The following SSH2 variants were observed in gnomAD, a reference collection of about 807,000 sequenced individuals.
SSH2 encodes protein phosphatase Slingshot homolog 2.
A neutral mutation model predicts 135.2 loss-of-function variants in SSH2; 37 were observed. That is an observed-to-expected ratio of 0.27 (90% CI 0.21 to 0.36). SSH2 has a LOEUF of 0.36. SSH2 is among the 10% of genes least tolerant of loss of function. SSH2 has a pLI of 1.00. For missense variants in SSH2, 1,408 were observed against 1,765.3 expected (o/e 0.80, Z 3.63); for synonymous variants, 628 against 646.2 (o/e 0.97, Z 0.43).
At chr17:29,927,228 A>G (rs975354518) in intron 1 of SSH2, among the ~76,000 whole-genome samples, 1 of 152,146 alleles carries the variant, frequency 6.6e-6, no homozygotes, top group Non-Finnish European at 1.5e-5. Context: ...GACAATACTT[A>G]TGACCATCAC....
intron 1 of SSH2, among the ~76,000 whole-genome samples, chr17:29,921,017 G>A (rs888701944): frequency 1.6e-4 from 24 of 152,038 alleles, no homozygotes; most frequent in East Asian, 9.6e-4. Flanking sequence ...GAACATGAAC[G>A]ATTTACAAAA....
intron 3 of SSH2, among the ~76,000 whole-genome samples, chr17:29,782,192 C>T (rs2041855716): frequency 1.3e-5 from 2 of 152,054 alleles, no homozygotes; most frequent in South Asian, 4.1e-4. Context: ...TTGAATAATG[C>T]CCCGTTGTTT....
chr17:29,677,868 A>AT (rs1391480327), intron 6 of SSH2, 127 bp from the exon 7 acceptor site: 2 of 678,470 alleles, frequency 2.9e-6, no homozygotes, highest in Non-Finnish European at 5.1e-6. Context: ...TGTTACAATG[A>AT]AGAAATTTCT....
chr17:29,875,828 G>A lies in SSH2; in HGVS notation c.64-26899C>T, dbSNP rs527982989. Reference sequence around the variant, plus strand: ...CCTACTTATTCTTCAAACCTCACTCGGTATAACTCCATCATGAAGGCCTTG... The same window carrying A: ...CCTACTTATTCTTCAAACCTCACTCAGTATAACTCCATCATGAAGGCCTTG... On this transcript the variant is annotated intron_variant, in intron 1 of 15. Coordinates refer to ENST00000540801, the MANE Select transcript of SSH2 (RefSeq NM_001282129.2). 5.3e-5 allele frequency among the ~76,000 whole-genome samples: 8 copies of A among 151,730 alleles called. No individual in the cohort carries two copies. The East Asian group carries it at 7.8e-4, about 15-fold the overall frequency.
At chr17:29,873,557 TAA>T (rs997753861) in intron 1 of SSH2, among the ~76,000 whole-genome samples, 1 of 140,640 alleles carries the variant, frequency 7.1e-6, no homozygotes, top group Non-Finnish European at 1.6e-5. Flanking sequence ...AGACTATGTT[TAA>T]AAAAAAAAAA....
chr17:29,927,008 G>A (rs946713262), intron 1 of SSH2, among the ~76,000 whole-genome samples: 3 of 152,104 alleles, frequency 2.0e-5, no homozygotes, highest in East Asian at 1.9e-4. Context: ...ATGACACTGC[G>A]CATATTCCTT....
At chr17:29,726,240 A>G (rs897354310) in intron 3 of SSH2, among the ~76,000 whole-genome samples, 4 of 152,206 alleles carry the variant, frequency 2.6e-5, no homozygotes, top group Non-Finnish European at 4.4e-5. Flanking sequence ...TTAGGAGGGA[A>G]AAGAAAGGAT....
At chr17:29,800,470 C>G (rs1399911941) in intron 2 of SSH2, among the ~76,000 whole-genome samples, 1 of 152,128 alleles carries the variant, frequency 6.6e-6, no homozygotes. Flanking sequence ...ATATAACAGC[C>G]TTTCTTGTCA....
At chr17:29,663,363 T>C (rs980987206) in intron 11 of SSH2, among the ~76,000 whole-genome samples, 2 of 152,258 alleles carry the variant, frequency 1.3e-5, no homozygotes, top group Non-Finnish European at 2.9e-5. Flanking sequence ...AATGCCTCTT[T>C]TTCCGTGTCA....
At chr17:29,787,206 C>G (rs1184937176) in intron 3 of SSH2, among the ~76,000 whole-genome samples, 1 of 152,224 alleles carries the variant, frequency 6.6e-6, no homozygotes, top group African/African-American at 2.4e-5. Context: ...CTAGGTATCT[C>G]ATGTAAGTGG....
chr17:29,680,444 G>A (rs1490286984), intron 6 of SSH2, among the ~76,000 whole-genome samples: 1 of 150,450 alleles, frequency 6.6e-6, no homozygotes, highest in Non-Finnish European at 1.5e-5. Context: ...CCAGCTACTC[G>A]GGAGGCTGAG....
chr17:29,671,721 C>T (rs997303821), intron 9 of SSH2, among the ~76,000 whole-genome samples: 1 of 152,168 alleles, frequency 6.6e-6, no homozygotes, highest in Non-Finnish European at 1.5e-5. Context: ...ACTATGGAGA[C>T]TCTATTGTGC....
At chr17:29,661,849 A>G (rs969323851) in intron 11 of SSH2, among the ~76,000 whole-genome samples, 8 of 152,200 alleles carry the variant, frequency 5.3e-5, no homozygotes, top group Non-Finnish European at 1.2e-4. Flanking sequence ...TGGCAAATAA[A>G]TTAAAGGCAC....
chr17:29,870,657 C>T (rs1404081481), intron 1 of SSH2, among the ~76,000 whole-genome samples: 3 of 152,212 alleles, frequency 2.0e-5, no homozygotes, highest in East Asian at 1.9e-4. Context: ...AAGTGTCACA[C>T]AGGCATCTAC....
At chr17:29,875,565 G>C (rs2066013545) in intron 1 of SSH2, among the ~76,000 whole-genome samples, 1 of 152,090 alleles carries the variant, frequency 6.6e-6, no homozygotes, top group African/African-American at 2.4e-5. Flanking sequence ...CCTTTCAGTT[G>C]TATTCCCATA....
intron 12 of SSH2, among the ~76,000 whole-genome samples, chr17:29,654,241 A>G (rs1461052443): frequency 6.6e-6 from 1 of 152,230 alleles, no homozygotes; most frequent in African/African-American, 2.4e-5. Flanking sequence ...ATAGTAAGCT[A>G]TAAGCAAGAC....
At chr17:29,761,010 C>T (rs2041274697) in intron 3 of SSH2, 9 of 851,776 alleles carry the variant, frequency 1.1e-5, no homozygotes, top group African/African-American at 3.6e-5. Context: ...TCCCTCCAGA[C>T]GCACGGAGAC....
Position 29,889,918 on chromosome 17 carries a change from C to T in SSH2, c.63+40020G>A, listed in dbSNP as rs528460853. On this transcript the variant is annotated intron_variant, in intron 1 of 15. Coordinates refer to ENST00000540801, the MANE Select transcript of SSH2 (RefSeq NM_001282129.2). ...AGGCTGCAGTGAGCTGTGATTGTTT[C>T]ACTACACTCCAGCCTGGGAAACAGA... Among the ~76,000 whole-genome samples, 23 of 150,362 alleles carry T rather than the reference C, an allele frequency of 1.5e-4. No homozygotes were observed. The South Asian group carries it at 4.5e-3, about 29-fold the overall frequency.
chr17:29,745,906 T>C (rs1251582574), intron 3 of SSH2, among the ~76,000 whole-genome samples: 1 of 152,230 alleles, frequency 6.6e-6, no homozygotes, highest in Non-Finnish European at 1.5e-5. Context: ...TCAGGTCCAT[T>C]TCATTTCAAA....
Sources: gnomAD v4.1 joint callset for allele counts (sites outside exome capture counted in the v4.1 genomes callset) on GRCh38, gnomAD v4.1.1 for gene constraint, MANE v1.5 for transcripts, NCBI Gene and HGNC (gene_info 2026-07-23, HGNC 2026-07-21) for gene names.